Variants in ABI2 observed in about 807,000 individuals in gnomAD.
The protein encoded by ABI2 is abelson interactor 2.
Under a neutral mutation model 59.2 loss-of-function variants are expected in ABI2, and 25 were observed. The observed-to-expected ratio is 0.42, with a 90% CI of 0.31 to 0.59. The LOEUF (loss-of-function observed/expected upper bound fraction) is 0.59. Ranked by LOEUF, ABI2 falls within the 20% of genes least tolerant of loss-of-function variation. The pLI is 0.14. For synonymous variants in ABI2, 213 were observed against 235.5 expected (o/e 0.90, Z 0.87); for missense variants, 545 against 681.8 (o/e 0.80, Z 2.23).
intron 9 of ABI2, among the ~76,000 whole-genome samples, chr2:203,403,542 G>C (rs1477610290): frequency 6.6e-6 from 1 of 152,042 alleles, no homozygotes; most frequent in Non-Finnish European, 1.5e-5. Flanking sequence ...TCTTGCAGAA[G>C]AAATTTGATC....
chr2:203,416,110 A>G (rs2097881583), intron 10 of ABI2, among the ~76,000 whole-genome samples: 1 of 152,194 alleles, frequency 6.6e-6, no homozygotes, highest in South Asian at 2.1e-4. Flanking sequence ...CATTAAGAGG[A>G]AAGTAGTGGG....
Position 203,394,753 on chromosome 2 carries a change from A to G in ABI2, c.632A>G (p.Asn211Ser), listed in dbSNP as rs1302434167. 6.2e-7 allele frequency: 1 copy of G among 1,614,096 alleles called. No individual in the cohort carries two copies. The highest frequency in any genetic ancestry group is 8.5e-7 in the Non-Finnish European group (1 of 1,179,992). ...CCAGTGCGTCCTCCAGTGGTACCAA[A>G]TGATTACGTACCTAGCCCAACCCGT... ...LEPVRPPVVP[N>S]DYVPSPTRNM... Residue 211 changes from asparagine to serine, a missense_variant, in exon 6 of 12, where the codon AAT (asparagine) becomes AGT (serine). Coordinates refer to ENST00000261018, the MANE Select transcript of ABI2 (RefSeq NM_001375670.1).
At chr2:203,353,843 C>T (rs966317587) in intron 1 of ABI2, among the ~76,000 whole-genome samples, 1 of 152,078 alleles carries the variant, frequency 6.6e-6, no homozygotes, top group Non-Finnish European at 1.5e-5. Context: ...TACTTGTCTC[C>T]ATATGTCCAT....
intron 1 of ABI2, among the ~76,000 whole-genome samples, chr2:203,362,137 G>A (rs1428725448): frequency 6.6e-6 from 1 of 152,200 alleles, no homozygotes; most frequent in Non-Finnish European, 1.5e-5. Flanking sequence ...TATTCTGGCA[G>A]TAGCTCAGCT....
intron 10 of ABI2, among the ~76,000 whole-genome samples, chr2:203,413,006 A>G (rs140193256): frequency 1.6e-4 from 24 of 152,352 alleles, no homozygotes; most frequent in Admixed American, 1.2e-3. Flanking sequence ...TTTAATCACA[A>G]TGATTAATGA....
At chr2:203,376,577 C>T (rs1177235550) in intron 2 of ABI2, among the ~76,000 whole-genome samples, 1 of 152,166 alleles carries the variant, frequency 6.6e-6, no homozygotes, top group Non-Finnish European at 1.5e-5. Flanking sequence ...AAACATTTCA[C>T]TTTCCTGATG....
Position 203,333,625 on chromosome 2 carries a change from C to G in ABI2, c.117+4994C>G, listed in dbSNP as rs1015893354. 1.3e-4 allele frequency among the ~76,000 whole-genome samples: 20 copies of G among 152,182 alleles called. 1 individual carries two copies. Among genetic ancestry groups the G allele is most frequent in the African/African-American group, 4.8e-4 (20 of 41,514 alleles). Reference sequence around the variant, plus strand: ...CTTACCATTCCTCAAGAAATTAGTCCCTAACTCTCAGCAGAGACATTTGGT... The same window carrying G: ...CTTACCATTCCTCAAGAAATTAGTCGCTAACTCTCAGCAGAGACATTTGGT... On this transcript the variant is annotated intron_variant, in intron 1 of 11. Transcript: ENST00000261018.
chr2:203,341,911 C>T (rs993657606), intron 1 of ABI2, among the ~76,000 whole-genome samples: 1 of 152,172 alleles, frequency 6.6e-6, no homozygotes, highest in African/African-American at 2.4e-5. Flanking sequence ...GCAGGACTTA[C>T]TCAATAGTGG....
intron 6 of ABI2, among the ~76,000 whole-genome samples, 158 bp from the exon 7 acceptor site, chr2:203,395,498 C>T (rs771738011): frequency 6.9e-6 from 1 of 143,984 alleles, no homozygotes; most frequent in Non-Finnish European, 1.5e-5. Flanking sequence ...TTTTTTTAAC[C>T]TGTCACTGAC....
At chr2:203,340,656 G>GGC (rs2079313173) in intron 1 of ABI2, among the ~76,000 whole-genome samples, 1 of 151,970 alleles carries the variant, frequency 6.6e-6, no homozygotes, top group Non-Finnish European at 1.5e-5. Context: ...CCATTTGCCT[G>GGC]GCTGAGAGTA....
chr2:203,396,754 A>G (rs2097007473), intron 7 of ABI2, 31 bp from the exon 8 acceptor site: 1 of 1,493,950 alleles, frequency 6.7e-7, no homozygotes, highest in Non-Finnish European at 8.9e-7. Context: ...TTGCCTCATT[A>G]ATGCTGCCTC....
At chr2:203,368,984 ATTTTTTTTTTTTTTT>A (rs71007508) in intron 2 of ABI2, among the ~76,000 whole-genome samples, 14 of 91,118 alleles carry the variant, frequency 1.5e-4, no homozygotes, top group South Asian at 3.7e-4. Flanking sequence ...TGCTTGGCTG[ATTTTTTTTTTTTTTT>A]TTTTTTTTTT....
At chr2:203,363,394 T>G (rs1337268152) in intron 1 of ABI2, among the ~76,000 whole-genome samples, 2 of 152,158 alleles carry the variant, frequency 1.3e-5, no homozygotes, top group African/African-American at 4.8e-5. Flanking sequence ...TAGGTCTTAC[T>G]CATTCTTTTC....
At chr2:203,374,112 T>C (rs1216858807) in intron 2 of ABI2, among the ~76,000 whole-genome samples, 1 of 152,186 alleles carries the variant, frequency 6.6e-6, no homozygotes, top group Non-Finnish European at 1.5e-5. Flanking sequence ...TGAGCCATGT[T>C]CATGCCACTG....
At chr2:203,330,657 C>T (rs972041000) in intron 1 of ABI2, among the ~76,000 whole-genome samples, 1 of 152,114 alleles carries the variant, frequency 6.6e-6, no homozygotes, top group Non-Finnish European at 1.5e-5. Flanking sequence ...AATTCCATTG[C>T]CTTGTGCAGC....
chr2:203,335,130 C>G (rs767591287), intron 1 of ABI2, among the ~76,000 whole-genome samples: 2 of 152,140 alleles, frequency 1.3e-5, no homozygotes, highest in Admixed American at 6.5e-5. Context: ...TTAAAAATTT[C>G]TATATTTTCC....
Position 203,420,217 on chromosome 2 carries a change from A to C in ABI2, c.1453+3136A>C, listed in dbSNP as rs138553024. 1.3e-4 allele frequency among the ~76,000 whole-genome samples: 20 copies of C among 152,290 alleles called. No homozygotes were observed. The South Asian group carries it at 3.9e-3, about 30-fold the overall frequency. On this transcript the variant is annotated intron_variant, in intron 11 of 11. Coordinates refer to ENST00000261018, the MANE Select transcript of ABI2 (RefSeq NM_001375670.1). ...GGATTGAGTCTTGGCTTTACAGTTT[A>C]TGAGCATTAAGTCCTCCCTGGAAAA...
At position 203,359,970 on chromosome 2, in the gene ABI2, A is replaced by T. The variant is rs375772003; in HGVS notation, c.118-6907A>T. Among the ~76,000 whole-genome samples, 107 of 152,072 alleles carry T rather than the reference A, an allele frequency of 7.0e-4. 1 individual carries two copies. In the South Asian group the frequency reaches 0.011, roughly 15 times the overall value. On this transcript the variant is annotated intron_variant, in intron 1 of 11. Coordinates refer to ENST00000261018, the MANE Select transcript of ABI2 (RefSeq NM_001375670.1). ...GGGAGGCTGAGGCGGGTGGATCATGAGGTCAAGAGATTGAGACCATCCTGG... is the reference window on the plus strand; with the variant it reads ...GGGAGGCTGAGGCGGGTGGATCATGTGGTCAAGAGATTGAGACCATCCTGG...
chr2:203,360,543 G>A (rs1351316878), intron 1 of ABI2, among the ~76,000 whole-genome samples: 1 of 152,144 alleles, frequency 6.6e-6, no homozygotes, highest in Admixed American at 6.5e-5. Context: ...AGTAGTGGAG[G>A]ACAGAGATGG....
Sources: allele counts gnomAD v4.1 joint callset (sites outside exome capture counted in the v4.1 genomes callset), GRCh38; gene constraint gnomAD v4.1.1; transcripts MANE v1.5; gene names NCBI Gene and HGNC (gene_info 2026-07-23, HGNC 2026-07-21).